The following SULF1 variants were observed in gnomAD, a reference collection of about 807,000 sequenced individuals.
SULF1 encodes extracellular sulfatase Sulf-1.
In SULF1, 46 loss-of-function variants were observed where a neutral mutation model predicts 110.5. The ratio of observed to expected loss-of-function variants is 0.42; its 90% CI spans 0.33 to 0.53. The LOEUF (loss-of-function observed/expected upper bound fraction) is 0.53. Ranked by LOEUF, SULF1 falls within the 20% of genes least tolerant of loss-of-function variation. The pLI is 0.12. For synonymous variants in SULF1, 371 were observed against 387.1 expected (o/e 0.96, Z 0.49); for missense variants, 941 against 1,094.2 (o/e 0.86, Z 1.98).
chr8:69,477,915 G>T (rs1809369290), intron 1 of SULF1, among the ~76,000 whole-genome samples: 1 of 151,872 alleles, frequency 6.6e-6, no homozygotes, highest in African/African-American at 2.4e-5. Flanking sequence ...AGGGTGCAGT[G>T]GTGTGATCAT....
intron 3 of SULF1, among the ~76,000 whole-genome samples, chr8:69,547,197 G>A (rs1814325914): frequency 6.6e-6 from 1 of 152,076 alleles, no homozygotes; most frequent in Non-Finnish European, 1.5e-5. Flanking sequence ...GGGTGGGGTG[G>A]GGGAGGACTA....
intron 3 of SULF1, among the ~76,000 whole-genome samples, chr8:69,503,441 T>C (rs540264317): frequency 5.3e-4 from 80 of 152,302 alleles, no homozygotes; most frequent in African/African-American, 1.7e-3. Flanking sequence ...GAAGGAAATA[T>C]TCTAAAACAG....
Position 69,652,894 on chromosome 8 carries a change from T to C in SULF1, c.2586-5611T>C, listed in dbSNP as rs889761637. 1.1e-4 allele frequency among the ~76,000 whole-genome samples: 17 copies of C among 152,302 alleles called. No homozygotes were observed. The South Asian group carries it at 3.5e-3, about 32-fold the overall frequency. ...TGCGTTGGAGTCTCTCAGTCTACTC[T>C]GGCTTGGGAGGCTGCCAGATTTGCA... On this transcript the variant is annotated intron_variant, in intron 22 of 22. Transcript: ENST00000402687.
At chr8:69,564,421 AG>A (rs1416851600) in intron 5 of SULF1, among the ~76,000 whole-genome samples, 1 of 152,216 alleles carries the variant, frequency 6.6e-6, no homozygotes, top group African/African-American at 2.4e-5. Flanking sequence ...GTAGAAGGAA[AG>A]GATTGAAAGC....
At chr8:69,520,140 CACACACACACACACACAT>C (rs1812197623) in intron 3 of SULF1, among the ~76,000 whole-genome samples, 1 of 151,848 alleles carries the variant, frequency 6.6e-6, no homozygotes, top group South Asian at 2.1e-4. Flanking sequence ...CACACACACA[CACACACACACACACACAT>C]CACTGTGTCT....
intron 1 of SULF1, among the ~76,000 whole-genome samples, chr8:69,478,233 T>A (rs1809383436): frequency 6.6e-6 from 1 of 152,150 alleles, no homozygotes; most frequent in Admixed American, 6.6e-5. Flanking sequence ...ACCTCGTGCA[T>A]CTGAAATAAG....
rs1177879796 is a variant in SULF1 at position 69,627,284 on chromosome 8, A to G, written c.1925A>G (p.His642Arg). Residue 642 changes from histidine to arginine, a missense_variant, in exon 16 of 23, where the codon CAT becomes CGT. This residue lies in a region of SULF1 where 822 missense variants were observed against 934.3 expected (regional missense o/e 0.88). Coordinates refer to ENST00000402687, the MANE Select transcript of SULF1 (RefSeq NM_001128205.2). ...CAATCGGCCAGAGCGTGGAAGGACC[A>G]TAAGGCATACATTGACAAAGAGGTT... is the stretch of plus-strand genomic sequence containing the variant. ...LYQSARAWKD[H>R]KAYIDKEIEA... 14 of 1,614,066 alleles carry G rather than the reference A, an allele frequency of 8.7e-6. No homozygotes were observed. Among genetic ancestry groups the G allele is most frequent in the African/African-American group, 1.3e-5 (1 of 75,060 alleles).
intron 2 of SULF1, among the ~76,000 whole-genome samples, chr8:69,501,670 G>T (rs1810806746): frequency 6.6e-6 from 1 of 152,196 alleles, no homozygotes; most frequent in Admixed American, 6.5e-5. Context: ...AGTCAAAATA[G>T]AAACTTCTAC....
intron 13 of SULF1, among the ~76,000 whole-genome samples, chr8:69,616,061 C>T (rs940470359): frequency 2.7e-5 from 4 of 148,664 alleles, no homozygotes; most frequent in Non-Finnish European, 4.5e-5. Context: ...TATACACACA[C>T]ATATATATGT....
intron 19 of SULF1, among the ~76,000 whole-genome samples, chr8:69,634,222 T>A (rs1349105892): frequency 2.6e-5 from 4 of 152,220 alleles, no homozygotes; most frequent in Non-Finnish European, 5.9e-5. Context: ...AAGCTTTAGG[T>A]CTTTCTTTGA....
At chr8:69,480,110 A>G (rs1809456708) in intron 1 of SULF1, among the ~76,000 whole-genome samples, 1 of 152,196 alleles carries the variant, frequency 6.6e-6, no homozygotes, top group South Asian at 2.1e-4. Context: ...CAGCTTTATC[A>G]TAGAGAAACT....
At chr8:69,600,817 T>C in intron 9 of SULF1, 64 bp downstream of exon 9, 1 of 1,519,884 alleles carries the variant, frequency 6.6e-7, no homozygotes, top group Non-Finnish European at 8.9e-7. Flanking sequence ...AGACTTATTC[T>C]TGCCAATCCT....
intron 13 of SULF1, 42 bp from the exon 14 acceptor site, chr8:69,620,990 ACCT>A: frequency 6.6e-7 from 1 of 1,513,198 alleles, no homozygotes; most frequent in Non-Finnish European, 9.0e-7. Flanking sequence ...AATAAATAAC[ACCT>A]GGAGCAGAAT....
intron 19 of SULF1, chr8:69,637,724 A>G (rs1811167947): frequency 6.6e-6 from 1 of 152,576 alleles, no homozygotes; most frequent in Non-Finnish European, 1.5e-5. Flanking sequence ...GCTGAGGATC[A>G]CTTGAGCCCA....
chr8:69,528,300 C>T (rs1490556754), intron 3 of SULF1, among the ~76,000 whole-genome samples: 1 of 152,154 alleles, frequency 6.6e-6, no homozygotes, highest in African/African-American at 2.4e-5. Context: ...ATCCCCAACT[C>T]AGCAATTCCT....
At chr8:69,547,543 T>C (rs1689021735) in intron 3 of SULF1, among the ~76,000 whole-genome samples, 1 of 152,190 alleles carries the variant, frequency 6.6e-6, no homozygotes, top group South Asian at 2.1e-4. Flanking sequence ...AAAATGGCTC[T>C]GTGGGGTTTG....
chr8:69,498,111 CTCCACACA>C (rs995571923), intron 2 of SULF1, among the ~76,000 whole-genome samples: 3 of 104,190 alleles, frequency 2.9e-5, no homozygotes, highest in African/African-American at 1.1e-4. Flanking sequence ...CTCTCTCTCT[CTCCACACA>C]CACACACACA....
rs181836541 is a variant in SULF1, at chr8:69,631,008, T to C, written c.2284+1329T>C. Among the ~76,000 whole-genome samples, 610 of 151,286 alleles carry C rather than the reference T, an allele frequency of 4.0e-3. 4 individuals carry two copies. The highest frequency in any genetic ancestry group is 0.013 in the African/African-American group (541 of 41,268). On this transcript the variant is annotated intron_variant, in intron 19 of 22. Coordinates refer to ENST00000402687, the MANE Select transcript of SULF1 (RefSeq NM_001128205.2). ...AACAGTCCCCGGTGTGTGATGTTCCTCTTCCTGTGTCAACATTTTTAAATG... is the reference window on the plus strand; with the variant it reads ...AACAGTCCCCGGTGTGTGATGTTCCCCTTCCTGTGTCAACATTTTTAAATG...
At chr8:69,595,141 C>T (rs867770059) in intron 8 of SULF1, among the ~76,000 whole-genome samples, 3 of 152,174 alleles carry the variant, frequency 2.0e-5, no homozygotes, top group East Asian at 1.9e-4. Context: ...ACTACAATTC[C>T]GTAGTTTTTT....
Sources: allele counts gnomAD v4.1 joint callset (sites outside exome capture counted in the v4.1 genomes callset), GRCh38; gene constraint gnomAD v4.1.1; regional missense constraint gnomAD v4.1.1; transcripts MANE v1.5; gene names NCBI Gene and HGNC (gene_info 2026-07-23, HGNC 2026-07-21).